DPP10: variants seen among roughly 807,000 people sequenced by gnomAD.
DPP10 encodes inactive dipeptidyl peptidase 10.
Under a neutral mutation model 120.9 loss-of-function variants are expected in DPP10, and 33 were observed. The ratio of observed to expected loss-of-function variants is 0.27; its 90% CI spans 0.21 to 0.37. The LOEUF (loss-of-function observed/expected upper bound fraction) is 0.37. Among genes scored for constraint, DPP10 ranks in the 10% least tolerant of loss-of-function variants. DPP10 has a pLI of 1.00. For synonymous variants in DPP10, 337 were observed against 326.1 expected, an observed-to-expected ratio of 1.03 and a Z score of -0.36; for missense variants, 816 against 942.8, an observed-to-expected ratio of 0.87 and a Z score of 1.76.
intron 1 of DPP10, among the ~76,000 whole-genome samples, chr2:114,942,857 G>C (rs1697064043): frequency 1.3e-5 from 2 of 152,148 alleles, no homozygotes; most frequent in Non-Finnish European, 2.9e-5. Flanking sequence ...CTGAATTAGA[G>C]TGAAATAATT....
chr2:115,134,053 GT>G (rs1168419856), intron 1 of DPP10, among the ~76,000 whole-genome samples: 2 of 152,140 alleles, frequency 1.3e-5, no homozygotes, highest in Admixed American at 6.6e-5. Flanking sequence ...AAATGAGGAT[GT>G]TATTATCATT....
chr2:114,477,915 A>ATG (rs1222295663), intron 1 of DPP10, among the ~76,000 whole-genome samples: 4 of 150,646 alleles, frequency 2.7e-5, no homozygotes, highest in Non-Finnish European at 5.9e-5. Context: ...ATGTACATAT[A>ATG]TGTGTATATA....
At chr2:115,557,178 T>C (rs959798196) in intron 5 of DPP10, among the ~76,000 whole-genome samples, 1 of 152,174 alleles carries the variant, frequency 6.6e-6, no homozygotes, top group Non-Finnish European at 1.5e-5. Flanking sequence ...TCTCTCTCTG[T>C]ACATACTGAA....
chr2:115,839,153 A>G (rs1470593333), intron 24 of DPP10, among the ~76,000 whole-genome samples: 1 of 152,248 alleles, frequency 6.6e-6, no homozygotes, highest in Non-Finnish European at 1.5e-5. Flanking sequence ...GCTTACATTT[A>G]TAGAGCAGTT....
At chr2:114,588,599 T>C (rs1691193991) in intron 1 of DPP10, among the ~76,000 whole-genome samples, 1 of 152,224 alleles carries the variant, frequency 6.6e-6, no homozygotes, top group South Asian at 2.1e-4. Flanking sequence ...GTTATATGTA[T>C]GACATCACTA....
At chr2:115,457,503 T>C (rs983871517) in intron 3 of DPP10, among the ~76,000 whole-genome samples, 4 of 152,000 alleles carry the variant, frequency 2.6e-5, no homozygotes, top group African/African-American at 9.7e-5. Context: ...TTTTAAAAAA[T>C]CAAAACAAAT....
intron 1 of DPP10, among the ~76,000 whole-genome samples, chr2:115,116,749 G>A (rs1230931614): frequency 1.3e-5 from 2 of 152,084 alleles, no homozygotes; most frequent in Admixed American, 6.5e-5. Context: ...CCTAACTATT[G>A]ATCTTATTGG....
intron 1 of DPP10, among the ~76,000 whole-genome samples, chr2:115,090,745 A>G (rs1451624547): frequency 6.6e-6 from 1 of 151,604 alleles, no homozygotes; most frequent in Non-Finnish European, 1.5e-5. Flanking sequence ...TTGGTGAGAG[A>G]GGTTGGAAAG....
At chr2:115,078,700 T>A (rs763655068) in intron 1 of DPP10, among the ~76,000 whole-genome samples, 20 of 152,190 alleles carry the variant, frequency 1.3e-4, no homozygotes, top group Non-Finnish European at 2.1e-4. Context: ...GAGTTTGCAA[T>A]ATACAACACG....
chr2:115,240,949 C>T (rs1240363435), intron 1 of DPP10, among the ~76,000 whole-genome samples: 1 of 152,116 alleles, frequency 6.6e-6, no homozygotes, highest in African/African-American at 2.4e-5. Context: ...TAAATGATAC[C>T]AGAGACTTTT....
intron 1 of DPP10, among the ~76,000 whole-genome samples, chr2:115,029,033 G>T (rs2105228105): frequency 6.6e-6 from 1 of 152,054 alleles, no homozygotes; most frequent in South Asian, 2.1e-4. Context: ...TTTTATTAGA[G>T]AATTATCTCC....
chr2:114,881,491 CA>C (rs1445845159), intron 1 of DPP10, among the ~76,000 whole-genome samples: 14 of 74,532 alleles, frequency 1.9e-4, no homozygotes, highest in South Asian at 1.2e-3. Flanking sequence ...ATCTATCTAT[CA>C]TATCTCTCTG....
intron 1 of DPP10, among the ~76,000 whole-genome samples, chr2:114,660,268 G>C (rs781312112): frequency 2.4e-4 from 36 of 152,170 alleles, no homozygotes; most frequent in Non-Finnish European, 1.5e-4. Flanking sequence ...AATATTTACA[G>C]GATGCATATA....
intron 21 of DPP10, among the ~76,000 whole-genome samples, chr2:115,821,506 A>G (rs1452233247): frequency 1.3e-5 from 2 of 152,008 alleles, no homozygotes. Flanking sequence ...AAAGAGAGAG[A>G]GAGAAATATG....
chr2:115,804,586 T>C lies in DPP10; in HGVS notation c.1701-10207T>C, dbSNP rs188414343. Among the ~76,000 whole-genome samples, 124 of 152,332 alleles carry C rather than the reference T, an allele frequency of 8.1e-4. 4 individuals are homozygous for C. The East Asian group carries it at 0.017, about 21-fold the overall frequency. ...TTTATCTACCTTTGTTCCTTGATGA[T>C]GGTGATGTACAGATGGGTTTTTGGT... On this transcript the variant is annotated intron_variant, in intron 19 of 25. Transcript: ENST00000410059.
In DPP10 at chr2:115,248,374, G is replaced by A. The variant is rs2105640944; in HGVS notation, c.61-60865G>A. On this transcript the variant is annotated intron_variant, in intron 1 of 25. Transcript: ENST00000410059. ...GTTTTAAACTATAGTTGTATACTCT[G>A]GCCTCTTTTTCTTTAGAAGATATTT... Among the ~76,000 whole-genome samples, 3 of 152,000 alleles carry A rather than the reference G, an allele frequency of 2.0e-5. No individual in the cohort carries two copies. The East Asian group carries it at 5.8e-4, about 29-fold the overall frequency.
Position 114,536,371 on chromosome 2 carries a change from CT to C in DPP10, c.60+93541del, listed in dbSNP as rs549894727. On this transcript the variant is annotated intron_variant, in intron 1 of 25. Transcript: ENST00000410059. The stretch of plus-strand genomic sequence containing the variant: ...GGATTAAGGTAACTTTAGTGTATTC[CT>C]TTTTTTTCTTTCCTTCTTTCTTTCT... Among the ~76,000 whole-genome samples the C allele has an allele frequency of 2.1e-4, 32 of 149,528 alleles. No individual in the cohort carries two copies. In the South Asian group the frequency reaches 6.0e-3, roughly 28 times the overall value.
At chr2:115,768,112 T>C (rs1681014312) in intron 12 of DPP10, among the ~76,000 whole-genome samples, 185 bp from the exon 13 acceptor site, 1 of 152,180 alleles carries the variant, frequency 6.6e-6, no homozygotes, top group Admixed American at 6.6e-5. Flanking sequence ...ACATATGTAA[T>C]GTATCAGATT....
chr2:115,283,256 A>G (rs1483399007), intron 1 of DPP10, among the ~76,000 whole-genome samples: 1 of 152,054 alleles, frequency 6.6e-6, no homozygotes, highest in Non-Finnish European at 1.5e-5. Context: ...TAATAAAAAT[A>G]TTACCACCTT....
Sources: gnomAD v4.1 joint callset for allele counts (sites outside exome capture counted in the v4.1 genomes callset) on GRCh38, gnomAD v4.1.1 for gene constraint, MANE v1.5 for transcripts, NCBI Gene and HGNC (gene_info 2026-07-23, HGNC 2026-07-21) for gene names.